CCDC170: variants seen among roughly 807,000 people sequenced by gnomAD.
CCDC170 encodes the protein coiled-coil domain containing 170, also known as coiled-coil domain-containing protein 170.
A neutral mutation model predicts 72.6 loss-of-function variants in CCDC170; 69 were observed. The observed-to-expected ratio is 0.95, with a 90% CI of 0.78 to 1.16. The LOEUF is 1.16. Ranked by LOEUF, CCDC170 falls within the 50% of genes most tolerant of loss-of-function variation. CCDC170 has a pLI of 0.00. For missense variants in CCDC170, 852 were observed against 832.5 expected (o/e 1.02, Z -0.29); for synonymous variants, 300 against 303.9 (o/e 0.99, Z 0.13).
chr6:151,548,584 A>G, intron 5 of CCDC170, 95 bp downstream of exon 5: 1 of 1,107,256 alleles, frequency 9.0e-7, no homozygotes, highest in Non-Finnish European at 1.2e-6. Context: ...AGAACTACTG[A>G]TTACGATTTT....
chr6:151,529,518 A>T (rs1175528456), intron 1 of CCDC170, among the ~76,000 whole-genome samples: 1 of 151,936 alleles, frequency 6.6e-6, no homozygotes, highest in Non-Finnish European at 1.5e-5. Flanking sequence ...TTAGCTGGGC[A>T]TTGTGGTGCA....
intron 5 of CCDC170, among the ~76,000 whole-genome samples, chr6:151,572,653 T>TTTTTTTTTTTTTTTTTG (rs1776237907): frequency 2.0e-5 from 2 of 100,500 alleles, no homozygotes; most frequent in Non-Finnish European, 3.7e-5. Context: ...CTCTGTGTTT[T>TTTTTTTTTTTTTTTTTG]TTTTTTTTTT....
chr6:151,501,902 A>G (rs1032272456), intron 1 of CCDC170, among the ~76,000 whole-genome samples: 1 of 152,124 alleles, frequency 6.6e-6, no homozygotes, highest in Non-Finnish European at 1.5e-5. Context: ...TATTTATGCT[A>G]TGCTCTTTTA....
intron 1 of CCDC170, among the ~76,000 whole-genome samples, chr6:151,515,796 A>G (rs1782225679): frequency 6.6e-6 from 1 of 152,214 alleles, no homozygotes; most frequent in Non-Finnish European, 1.5e-5. Flanking sequence ...AGTGTGGCGC[A>G]GTGGCTCATG....
At chr6:151,588,766 C>A (rs1257895334) in intron 7 of CCDC170, among the ~76,000 whole-genome samples, 1 of 151,940 alleles carries the variant, frequency 6.6e-6, no homozygotes, top group Non-Finnish European at 1.5e-5. Context: ...CATGGTGAAA[C>A]CCCATCTCTA....
At chr6:151,544,791 GT>G in intron 4 of CCDC170, 75 bp downstream of exon 4, 3 of 1,485,316 alleles carry the variant, frequency 2.0e-6, no homozygotes, top group Non-Finnish European at 2.8e-6. Context: ...AAGTGCTGTG[GT>G]TGAGTTTGGG....
chr6:151,520,633 T>C (rs1420458800), intron 1 of CCDC170, among the ~76,000 whole-genome samples: 1 of 152,224 alleles, frequency 6.6e-6, no homozygotes, highest in East Asian at 1.9e-4. Context: ...AGCTGGAGGC[T>C]ACAAGACTCT....
intron 1 of CCDC170, among the ~76,000 whole-genome samples, chr6:151,495,031 T>C (rs1338616982): frequency 6.6e-6 from 1 of 152,240 alleles, no homozygotes; most frequent in Non-Finnish European, 1.5e-5. Flanking sequence ...TTTTTCTTTC[T>C]TTCCAAAGTT....
intron 6 of CCDC170, among the ~76,000 whole-genome samples, chr6:151,585,105 GT>G (rs1194102861): frequency 5.3e-5 from 8 of 152,088 alleles, no homozygotes; most frequent in Admixed American, 2.6e-4. Context: ...GAGGTCCTTG[GT>G]AAACTTGCAC....
At chr6:151,549,532 C>T (rs1163504218) in intron 5 of CCDC170, among the ~76,000 whole-genome samples, 4 of 152,034 alleles carry the variant, frequency 2.6e-5, no homozygotes, top group Non-Finnish European at 4.4e-5. Flanking sequence ...GTTCCCCATA[C>T]CCCTCTCCCC....
At chr6:151,587,895 T>A (rs1290567522) in intron 7 of CCDC170, among the ~76,000 whole-genome samples, 1 of 151,960 alleles carries the variant, frequency 6.6e-6, no homozygotes, top group Non-Finnish European at 1.5e-5. Context: ...GAGGGGAGCA[T>A]TAAAGAATGA....
intron 8 of CCDC170, among the ~76,000 whole-genome samples, chr6:151,594,283 A>G (rs1034841171): frequency 6.6e-6 from 1 of 152,164 alleles, no homozygotes; most frequent in African/African-American, 2.4e-5. Context: ...TGTGACCTTG[A>G]ACAGATTATA....
Position 151,501,066 on chromosome 6 carries a change from T to C in CCDC170, c.57+6881T>C, listed in dbSNP as rs146348425. 1.1e-3 allele frequency among the ~76,000 whole-genome samples: 162 copies of C among 152,306 alleles called. 2 individuals are homozygous for C. The highest frequency in any genetic ancestry group is 3.7e-3 in the African/African-American group (153 of 41,584). ...TGAAATAATAAGCCAGACAAAAGCTTAGAAATTGTACTCTATTGGTAGGAA... is the reference window on the plus strand; with the variant it reads ...TGAAATAATAAGCCAGACAAAAGCTCAGAAATTGTACTCTATTGGTAGGAA... On this transcript the variant is annotated intron_variant, in intron 1 of 10. Transcript: ENST00000239374.
intron 1 of CCDC170, among the ~76,000 whole-genome samples, chr6:151,529,119 A>G (rs966851691): frequency 2.6e-5 from 4 of 152,134 alleles, no homozygotes; most frequent in Non-Finnish European, 5.9e-5. Flanking sequence ...AAATATATTT[A>G]TAGACAAAAA....
intron 7 of CCDC170, among the ~76,000 whole-genome samples, chr6:151,592,462 T>G (rs1776555773): frequency 2.0e-5 from 3 of 152,154 alleles, no homozygotes; most frequent in South Asian, 2.1e-4. Context: ...CCACGTGGCT[T>G]GGGAGGCCTC....
intron 1 of CCDC170, among the ~76,000 whole-genome samples, chr6:151,500,090 A>C (rs957033206): frequency 6.6e-6 from 1 of 152,002 alleles, no homozygotes; most frequent in East Asian, 1.9e-4. Flanking sequence ...ATTTCTCCAC[A>C]TCCTCACCCC....
In CCDC170 at chr6:151,618,132, A is replaced by G. The variant is rs751460686; in HGVS notation, c.2133A>G (p.Leu711=). ...TGQERHPQGH[L]QLLH ...AAGAGAGGCACCCACAAGGCCATTT[A>G]CAGCTTCTTCATTGAACACTGTATC... Residue 711 remains leucine (L), a synonymous_variant, in exon 11 of 11, where the codon TTA becomes TTG. Coordinates refer to ENST00000239374, the MANE Select transcript of CCDC170 (RefSeq NM_025059.4). 1.2e-6 allele frequency: 2 copies of G among 1,614,072 alleles called. No individual in the cohort carries two copies. Among genetic ancestry groups the G allele is most frequent in the South Asian group, 2.2e-5 (2 of 91,064 alleles).
chr6:151,552,812 CAG>C (rs1782904896), intron 5 of CCDC170, among the ~76,000 whole-genome samples: 1 of 93,588 alleles, frequency 1.1e-5, no homozygotes, highest in Non-Finnish European at 1.9e-5. Flanking sequence ...TTTTTTGAGA[CAG>C]AGTCTTTCTG....
At chr6:151,507,031 C>T (rs892846695) in intron 1 of CCDC170, among the ~76,000 whole-genome samples, 3 of 152,166 alleles carry the variant, frequency 2.0e-5, no homozygotes, top group African/African-American at 7.2e-5. Context: ...CCTATTGGTT[C>T]TGTTTCTCTG....
Sources: gnomAD v4.1 joint callset for allele counts (sites outside exome capture counted in the v4.1 genomes callset) on GRCh38, gnomAD v4.1.1 for gene constraint, MANE v1.5 for transcripts, NCBI Gene and HGNC (gene_info 2026-07-23, HGNC 2026-07-21) for gene names.